The following KAZN variants were observed in gnomAD, a reference collection of about 807,000 sequenced individuals.
The protein encoded by KAZN is kazrin, periplakin interacting protein.
KAZN carries 40 observed loss-of-function variants against 87.4 expected under a neutral mutation model. The observed-to-expected ratio is 0.46, with a 90% CI of 0.36 to 0.60. KAZN has a LOEUF of 0.60. Among genes scored for constraint, KAZN ranks in the 20% least tolerant of loss-of-function variants. The pLI is 0.00. For missense variants in KAZN, 898 were observed against 1,073.9 expected, an observed-to-expected ratio of 0.84 and a Z score of 2.29; for synonymous variants, 466 against 458.3, an observed-to-expected ratio of 1.02 and a Z score of -0.22.
chr1:14,932,546 G>A (rs529899280), intron 1 of KAZN, among the ~76,000 whole-genome samples: 118 of 152,146 alleles, frequency 7.8e-4, no homozygotes, highest in Non-Finnish European at 1.5e-3. Flanking sequence ...GTACTTAATT[G>A]TAAAAGGCCC....
chr1:14,426,071 C>A (rs185122383), intron 2 of KAZN, among the ~76,000 whole-genome samples: 2 of 152,364 alleles, frequency 1.3e-5, no homozygotes, highest in East Asian at 3.9e-4. Context: ...CTGGGCCCCC[C>A]GGCCTCCTCT....
intron 1 of KAZN, among the ~76,000 whole-genome samples, chr1:14,162,263 G>A (rs140024984): frequency 7.9e-5 from 12 of 152,230 alleles, no homozygotes; most frequent in Non-Finnish European, 1.8e-4. Context: ...CTTTCAGACC[G>A]ATTGATAGCA....
chr1:14,814,008 C>A (rs1407631276), intron 1 of KAZN, among the ~76,000 whole-genome samples: 2 of 152,162 alleles, frequency 1.3e-5, no homozygotes, highest in East Asian at 3.9e-4. Flanking sequence ...CAGGGTATCA[C>A]CATAACTTAG....
At chr1:14,362,972 G>T (rs1659646862) in intron 2 of KAZN, among the ~76,000 whole-genome samples, 1 of 152,176 alleles carries the variant, frequency 6.6e-6, no homozygotes, top group Admixed American at 6.5e-5. Flanking sequence ...AGGCAGCACA[G>T]AACTTTGGAT....
chr1:14,438,409 T>C (rs757064905), intron 2 of KAZN, among the ~76,000 whole-genome samples: 1 of 151,664 alleles, frequency 6.6e-6, no homozygotes, highest in Non-Finnish European at 1.5e-5. Flanking sequence ...CAAATCTTAG[T>C]GGAAAAGAGA....
At chr1:14,528,945 T>C (rs75391862) in intron 2 of KAZN, among the ~76,000 whole-genome samples, 3,308 of 152,084 alleles carry the variant, frequency 0.022, 39 homozygotes, top group Non-Finnish European at 0.029. Flanking sequence ...CAGAGGGAAA[T>C]AGACCTCTTC....
At chr1:13,944,663 T>C (rs1345761456) in intron 1 of KAZN, among the ~76,000 whole-genome samples, 2 of 152,212 alleles carry the variant, frequency 1.3e-5, no homozygotes, top group Non-Finnish European at 2.9e-5. Flanking sequence ...GTAATTTATA[T>C]TAGACTGTAA....
At chr1:14,335,106 G>C (rs944064656) in intron 2 of KAZN, among the ~76,000 whole-genome samples, 8 of 146,120 alleles carry the variant, frequency 5.5e-5, no homozygotes, top group African/African-American at 1.8e-4. Context: ...ATGACTCGGT[G>C]CCCCCCCCCC....
At chr1:14,251,642 A>ATTTT (rs1571144709) in intron 2 of KAZN, among the ~76,000 whole-genome samples, 1 of 81,516 alleles carries the variant, frequency 1.2e-5, no homozygotes, top group African/African-American at 8.3e-5. Context: ...GTTCTCCCGG[A>ATTTT]CTTTTTTTTT....
chr1:13,972,322 G>A (rs1435823003), intron 1 of KAZN, among the ~76,000 whole-genome samples: 22 of 145,750 alleles, frequency 1.5e-4, no homozygotes, highest in African/African-American at 4.7e-4. Flanking sequence ...CACCCAGGCC[G>A]GAGTGCAGTG....
chr1:14,095,270 A>G (rs1204424471), intron 1 of KAZN, among the ~76,000 whole-genome samples: 2 of 152,206 alleles, frequency 1.3e-5, no homozygotes, highest in East Asian at 3.8e-4. Context: ...TCATCTAGGT[A>G]TATGCCGTGG....
intron 1 of KAZN, among the ~76,000 whole-genome samples, chr1:14,771,570 A>C (rs1039253415): frequency 6.6e-6 from 1 of 152,130 alleles, no homozygotes; most frequent in African/African-American, 2.4e-5. Flanking sequence ...TTACACCTGT[A>C]ATCCCAGCAC....
chr1:14,857,961 T>G (rs923674543), intron 1 of KAZN, among the ~76,000 whole-genome samples: 3 of 151,982 alleles, frequency 2.0e-5, no homozygotes, highest in African/African-American at 7.3e-5. Context: ...TTTCTTATCC[T>G]CCCCCGACTT....
At chr1:14,265,706 A>G (rs1651421941) in intron 2 of KAZN, among the ~76,000 whole-genome samples, 1 of 152,234 alleles carries the variant, frequency 6.6e-6, no homozygotes, top group South Asian at 2.1e-4. Context: ...CTCAGGAAGG[A>G]ACAGATGCAG....
intron 1 of KAZN, among the ~76,000 whole-genome samples, chr1:14,898,460 C>T (rs1055321379): frequency 1.3e-5 from 2 of 152,114 alleles, no homozygotes; most frequent in African/African-American, 4.8e-5. Flanking sequence ...CTGGTGTCTA[C>T]GTCTGGTCAG....
chr1:14,614,823 C>T (rs1678098140), intron 1 of KAZN, among the ~76,000 whole-genome samples: 1 of 152,214 alleles, frequency 6.6e-6, no homozygotes, highest in African/African-American at 2.4e-5. Flanking sequence ...GATGCTGATG[C>T]AGGGAAGTTC....
intron 2 of KAZN, among the ~76,000 whole-genome samples, chr1:14,246,949 C>T (rs1208430753): frequency 6.6e-6 from 1 of 152,144 alleles, no homozygotes; most frequent in African/African-American, 2.4e-5. Context: ...TAACCCAGCT[C>T]ATGCCGAATT....
chr1:14,177,410 C>T (rs1570944976), intron 1 of KAZN, among the ~76,000 whole-genome samples: 1 of 152,134 alleles, frequency 6.6e-6, no homozygotes, highest in Non-Finnish European at 1.5e-5. Context: ...TTTCCTTCTG[C>T]CTCAAGTAAC....
At chr1:13,908,654 G>A (rs1444142470) in intron 1 of KAZN, among the ~76,000 whole-genome samples, 2 of 152,204 alleles carry the variant, frequency 1.3e-5, no homozygotes, top group East Asian at 3.8e-4. Context: ...ACTGATAAAC[G>A]AACTGGGCAT....
Sources: allele counts gnomAD v4.1 joint callset (sites outside exome capture counted in the v4.1 genomes callset), GRCh38; gene constraint gnomAD v4.1.1; transcripts MANE v1.5; gene names NCBI Gene and HGNC (gene_info 2026-07-23, HGNC 2026-07-21).